The following ARHGEF2 variants were observed in gnomAD, a reference collection of about 807,000 sequenced individuals.
The protein encoded by ARHGEF2 is Rho/Rac guanine nucleotide exchange factor 2, also known as rho guanine nucleotide exchange factor 2.
In ARHGEF2, 22 loss-of-function variants were observed where a neutral mutation model predicts 121.0. The observed-to-expected ratio is 0.18, with a 90% CI of 0.13 to 0.26. ARHGEF2 has a LOEUF of 0.26. ARHGEF2 is among the 10% of genes least tolerant of loss of function. ARHGEF2 has a pLI of 1.00. For synonymous variants in ARHGEF2, 487 were observed against 530.0 expected, an observed-to-expected ratio of 0.92 and a Z score of 1.11; for missense variants, 907 against 1,336.0, an observed-to-expected ratio of 0.68 and a Z score of 5.01.
At chr1:155,969,476 G>C (rs761868957) in intron 1 of ARHGEF2, 176 bp from the exon 2 acceptor site, 19 of 1,438,724 alleles carry the variant, frequency 1.3e-5, no homozygotes, top group African/African-American at 4.3e-5. Context: ...CTGTCCGGGA[G>C]TGACCAGGCC....
chr1:155,975,906 TGTGGAGGTAGGAA>T (rs1304708135), intron 1 of ARHGEF2, among the ~76,000 whole-genome samples: 1 of 151,774 alleles, frequency 6.6e-6, no homozygotes, highest in African/African-American at 2.4e-5. Context: ...GTTTGGGGCT[TGTGGAGGTAGGAA>T]GTAGAGCAGA....
chr1:155,974,041 A>G (rs1473822320), intron 1 of ARHGEF2, among the ~76,000 whole-genome samples: 2 of 151,556 alleles, frequency 1.3e-5, no homozygotes, highest in East Asian at 1.9e-4. Flanking sequence ...TTTTTTAATA[A>G]TAGATTTTAA....
Position 155,948,005 on chromosome 1 carries a change from T to C in ARHGEF2, c.2898A>G (p.Arg966=). Residue 966 remains arginine, a synonymous_variant, in exon 22 of 22, where the codon AGA becomes AGG. Transcript: ENST00000361247. ...SPPHSPRDFT[R]MQDIPEETES... Reference sequence around the variant, plus strand: ...CCGTCTCCTCCGGGATGTCCTGCATTCTGGTAAAGTCTGAAGGGGGACAGG... The same window carrying C: ...CCGTCTCCTCCGGGATGTCCTGCATCCTGGTAAAGTCTGAAGGGGGACAGG... 1 of 1,551,202 alleles carries C rather than the reference T, an allele frequency of 6.4e-7. No homozygotes were observed. Among genetic ancestry groups the C allele is most frequent in the Non-Finnish European group, 8.7e-7 (1 of 1,146,728 alleles).
chr1:155,968,999 AGGGAGCAAG>A, intron 2 of ARHGEF2, 148 bp downstream of exon 2: 1 of 827,502 alleles, frequency 1.2e-6, no homozygotes, highest in East Asian at 2.7e-5. Flanking sequence ...GAGTGAGGAC[AGGGAGCAAG>A]GGATCAAGCA....
chr1:155,966,886 G>A lies in ARHGEF2; in HGVS notation c.210C>T (p.Thr70=). 1 of 1,613,716 alleles carries A rather than the reference G, an allele frequency of 6.2e-7. No homozygotes were observed. The highest frequency in any genetic ancestry group is 1.3e-5 in the African/African-American group (1 of 74,932). Residue 70 remains threonine (T), a splice_region_variant and synonymous_variant, in exon 3 of 22, where the codon ACC becomes ACT. Transcript: ENST00000361247. The part of the protein sequence containing the change: ...ITAKEALICP[T]CNVTIHNRCK... ...AGCGGTTGTGGATAGTCACATTGCA[G>A]GCTGGGAGGGTGGGGTAGAGAGGGT...
At chr1:155,964,917 A>G in intron 7 of ARHGEF2, 71 bp downstream of exon 7, 2 of 1,507,210 alleles carry the variant, frequency 1.3e-6, no homozygotes, top group Non-Finnish European at 1.8e-6. Context: ...AAAGAAAAAG[A>G]AAAATAAAGA....
chr1:155,975,800 G>A (rs1681201849), intron 1 of ARHGEF2, among the ~76,000 whole-genome samples: 1 of 152,196 alleles, frequency 6.6e-6, no homozygotes, highest in Admixed American at 6.5e-5. Flanking sequence ...CTGCTTGGCA[G>A]AAAAGGACCC....
At chr1:155,964,186 A>ATG (rs1558031411) in intron 7 of ARHGEF2, among the ~76,000 whole-genome samples, 3 of 87,362 alleles carry the variant, frequency 3.4e-5, no homozygotes, top group East Asian at 8.0e-4. Flanking sequence ...ATATATATAT[A>ATG]TATATATATA....
intron 14 of ARHGEF2, among the ~76,000 whole-genome samples, chr1:155,953,214 C>A (rs936503065): frequency 6.9e-6 from 1 of 145,214 alleles, no homozygotes; most frequent in Non-Finnish European, 1.5e-5. Context: ...GCAGTGAGGC[C>A]GAGATCACAC....
intron 7 of ARHGEF2, among the ~76,000 whole-genome samples, chr1:155,964,188 A>ATG (rs1678818460): frequency 1.2e-5 from 1 of 81,818 alleles, no homozygotes; most frequent in South Asian, 3.9e-4. Flanking sequence ...ATATATATAT[A>ATG]TATATATATA....
At chr1:155,968,065 C>T (rs1051310641) in intron 2 of ARHGEF2, among the ~76,000 whole-genome samples, 4 of 151,922 alleles carry the variant, frequency 2.6e-5, no homozygotes, top group Admixed American at 2.6e-4. Flanking sequence ...CTCCCCTGTT[C>T]CCCTGGCAAC....
At chr1:155,959,351 C>T (rs988908217) in intron 11 of ARHGEF2, among the ~76,000 whole-genome samples, 4 of 152,018 alleles carry the variant, frequency 2.6e-5, no homozygotes, top group African/African-American at 4.8e-5. Context: ...CAGGAAAAAG[C>T]GATTCTCCTG....
Position 155,950,711 on chromosome 1 carries a change from C to A in ARHGEF2, c.2703+118G>T. ...AGTTCTCCAACCAGTATCTCAATATCCTTCAAGTCAGTTGACTGATTGCAT... is the reference window on the plus strand; with the variant it reads ...AGTTCTCCAACCAGTATCTCAATATACTTCAAGTCAGTTGACTGATTGCAT... On this transcript the variant is annotated intron_variant, in intron 20 of 21. Coordinates refer to ENST00000361247, the MANE Select transcript of ARHGEF2 (RefSeq NM_001162383.2). This position sits in a 1 kb window ranked among gnomAD's most constrained non-coding sequence, Gnocchi z 5.2. 8.9e-7 allele frequency: 1 copy of A among 1,124,342 alleles called. No individual in the cohort carries two copies. Among genetic ancestry groups the A allele is most frequent in the South Asian group, 1.5e-5 (1 of 65,896 alleles). 69.6% of individuals were successfully genotyped at this position (1,124,342 alleles called of 1,614,324 possible). A position where few individuals can be genotyped will look rare whatever the true frequency, so the allele number is the denominator to read the frequency against.
At chr1:155,956,918 T>C (rs562925468) in intron 13 of ARHGEF2, among the ~76,000 whole-genome samples, 2 of 135,066 alleles carry the variant, frequency 1.5e-5, no homozygotes, top group Admixed American at 1.5e-4. Context: ...AAAATTTGCC[T>C]GGGGTCGTGG....
chr1:155,978,881 GCCCTCCCTTTTTCCCTCC>G, upstream of ARHGEF2: 1 of 986,360 alleles, frequency 1.0e-6, no homozygotes, highest in Non-Finnish European at 1.2e-6. This position sits in a 1 kb window ranked among gnomAD's most constrained non-coding sequence, Gnocchi z 4.1. Flanking sequence ...TTCTCCCCTC[GCCCTCCCTTTTTCCCTCC>G]CCTACTGCGT....
chr1:155,962,722 G>T lies in ARHGEF2; in HGVS notation c.976-4C>A. The T allele has an allele frequency of 6.2e-7, 1 of 1,614,142 alleles. No individual in the cohort carries two copies. Among genetic ancestry groups the T allele is most frequent in the Non-Finnish European group, 8.5e-7 (1 of 1,179,988 alleles). The stretch of plus-strand genomic sequence containing the variant: ...GCTCCGCACTAGGACCTGAGAACTA[G>T]AAGTTGGTCGAGTAAGGTTAGGTCA... On this transcript the variant is annotated splice_polypyrimidine_tract_variant and splice_region_variant and intron_variant, in intron 8 of 21. Transcript: ENST00000361247. The surrounding 1 kb of genome is among the most constrained non-coding windows in gnomAD (Gnocchi z 5.8).
chr1:155,970,579 T>C (rs1680263008), intron 1 of ARHGEF2: 1 of 985,296 alleles, frequency 1.0e-6, no homozygotes, highest in Non-Finnish European at 1.2e-6. Context: ...TCAGAGGACC[T>C]GGACTGGGGA....
At chr1:155,953,393 A>T (rs890562807) in intron 14 of ARHGEF2, among the ~76,000 whole-genome samples, 4 of 152,232 alleles carry the variant, frequency 2.6e-5, no homozygotes, top group African/African-American at 9.6e-5. Flanking sequence ...CCAGTTAACA[A>T]CTATGTTTTC....
Position 155,954,983 on chromosome 1 carries a change from A to G in ARHGEF2, c.1716-14T>C. The G allele has an allele frequency of 1.2e-6, 2 of 1,609,310 alleles. No homozygotes were observed. Among genetic ancestry groups the G allele is most frequent in the Admixed American group, 1.7e-5 (1 of 59,428 alleles). ...CTGGATGGGCATCTGGAGGGGTAAC[A>G]GGTCGCATGCCATTGAGAGACAGAA... On this transcript the variant is annotated splice_polypyrimidine_tract_variant and intron_variant, in intron 13 of 21. Coordinates refer to ENST00000361247, the MANE Select transcript of ARHGEF2 (RefSeq NM_001162383.2).
Sources: gnomAD v4.1 joint callset for allele counts (sites outside exome capture counted in the v4.1 genomes callset) on GRCh38, gnomAD v4.1.1 for gene constraint, Gnocchi (gnomAD v3.1) non-coding constraint, MANE v1.5 for transcripts, NCBI Gene and HGNC (gene_info 2026-07-23, HGNC 2026-07-21) for gene names.